Variants in PIP5K1B observed in about 807,000 individuals in gnomAD.
PIP5K1B encodes phosphatidylinositol 4-phosphate 5-kinase type-1 beta.
PIP5K1B carries 42 observed loss-of-function variants against 67.0 expected under a neutral mutation model. The observed-to-expected ratio is 0.63, with a 90% CI of 0.49 to 0.81. The LOEUF is 0.81. Among genes scored for constraint, PIP5K1B ranks in the 30% least tolerant of loss-of-function variants. PIP5K1B has a pLI of 0.00. For synonymous variants in PIP5K1B, 214 were observed against 231.4 expected (o/e 0.92, Z 0.68); for missense variants, 459 against 646.3 (o/e 0.71, Z 3.14).
At chr9:68,749,899 A>G (rs1488249976) in intron 2 of PIP5K1B, among the ~76,000 whole-genome samples, 3 of 152,252 alleles carry the variant, frequency 2.0e-5, no homozygotes, top group African/African-American at 7.2e-5. Context: ...ACACCAAGGT[A>G]GAGTACAAAT....
intron 1 of PIP5K1B, among the ~76,000 whole-genome samples, chr9:68,741,269 A>G (rs1165987978): frequency 6.6e-6 from 1 of 152,188 alleles, no homozygotes; most frequent in Non-Finnish European, 1.5e-5. Flanking sequence ...ATCCCATGTC[A>G]TCTGAGTAGA....
chr9:68,848,046 C>T (rs188386221), intron 4 of PIP5K1B, among the ~76,000 whole-genome samples: 32 of 152,054 alleles, frequency 2.1e-4, no homozygotes, highest in Non-Finnish European at 2.9e-5. Context: ...GCTTTGCCAC[C>T]TCCTCACTGT....
At chr9:68,871,903 G>A (rs1294691524) in intron 5 of PIP5K1B, among the ~76,000 whole-genome samples, 1 of 46,666 alleles carries the variant, frequency 2.1e-5, no homozygotes, top group Non-Finnish European at 5.1e-5. Context: ...GTCAGTTGTC[G>A]GGTGTTTTTT....
intron 1 of PIP5K1B, among the ~76,000 whole-genome samples, chr9:68,715,263 G>C (rs892684231): frequency 1.8e-4 from 27 of 152,184 alleles, no homozygotes; most frequent in African/African-American, 6.5e-4. Context: ...AGAAGCACAG[G>C]GATCTGCCCC....
chr9:68,849,467 G>A (rs536047746), intron 4 of PIP5K1B, among the ~76,000 whole-genome samples: 16 of 152,194 alleles, frequency 1.1e-4, no homozygotes, highest in South Asian at 4.2e-4. Flanking sequence ...TGCAACCTCC[G>A]CCTCCCAGGC....
At chr9:68,765,402 A>T (rs2132403618) in intron 2 of PIP5K1B, among the ~76,000 whole-genome samples, 1 of 152,198 alleles carries the variant, frequency 6.6e-6, no homozygotes, top group East Asian at 1.9e-4. Flanking sequence ...GTGTTCTAGC[A>T]AATATTTCAT....
At chr9:68,899,354 G>A (rs1026582079) in intron 8 of PIP5K1B, among the ~76,000 whole-genome samples, 1 of 152,188 alleles carries the variant, frequency 6.6e-6, no homozygotes, top group Non-Finnish European at 1.5e-5. Flanking sequence ...AGCCTGAGGA[G>A]CAAGGCTTAA....
intron 2 of PIP5K1B, among the ~76,000 whole-genome samples, chr9:68,808,215 A>T (rs917941504): frequency 2.0e-5 from 3 of 152,146 alleles, no homozygotes; most frequent in African/African-American, 7.2e-5. Context: ...AAACAAAACA[A>T]AAGGGGAAGA....
intron 4 of PIP5K1B, among the ~76,000 whole-genome samples, chr9:68,847,419 G>GTGTGTGTGTGTT (rs1340470072): frequency 1.5e-5 from 2 of 136,706 alleles, no homozygotes; most frequent in East Asian, 4.3e-4. Context: ...GGTTTTGTGT[G>GTGTGTGTGTGTT]TGTGTGTGTG....
chr9:68,850,233 C>T (rs560984160), intron 4 of PIP5K1B, among the ~76,000 whole-genome samples: 10 of 152,190 alleles, frequency 6.6e-5, no homozygotes, highest in East Asian at 1.9e-4. Flanking sequence ...ACCTAGGAGT[C>T]GGACACATCA....
chr9:68,705,834 A>C (rs1827097572), intron 1 of PIP5K1B, 72 bp downstream of exon 1: 2 of 151,452 alleles, frequency 1.3e-5, no homozygotes, highest in African/African-American at 4.9e-5. Context: ...GGGGCTCTGC[A>C]TCTCTGCTGA....
chr9:68,954,169 G>C (rs1344970109), intron 14 of PIP5K1B, among the ~76,000 whole-genome samples: 4 of 152,048 alleles, frequency 2.6e-5, no homozygotes, highest in Admixed American at 2.6e-4. Flanking sequence ...TTTTCCCAGT[G>C]GTAGCTCAGG....
Position 68,919,522 on chromosome 9 carries a change from C to T in PIP5K1B, c.1027C>T (p.Leu343Phe), listed in dbSNP as rs778885138. ...TAAAAGCCATAGGGGAGAAAAACTA[C>T]TTTTATTTATGGGCATTATTGACAT... Reference protein sequence around the residue: ...PAKSHRGEKLLLFMGIIDILQ... With the variant: ...PAKSHRGEKLFLFMGIIDILQ... Residue 343 changes from leucine to phenylalanine, a missense_variant, in exon 10 of 16, where the codon CTT (leucine) becomes TTT (phenylalanine). Leu to Phe is a conservative substitution (Grantham distance 22). This residue lies in a region of PIP5K1B where 290 missense variants were observed against 474.4 expected (regional missense o/e 0.61). Transcript: ENST00000265382. The T allele has an allele frequency of 6.2e-7, 1 of 1,601,228 alleles. No individual in the cohort carries two copies. The highest frequency in any genetic ancestry group is 8.5e-7 in the Non-Finnish European group (1 of 1,171,354).
In PIP5K1B at chr9:68,999,716, G is replaced by A. The variant is rs1564307515; in HGVS notation, c.1620+8459G>A. 2.0e-5 allele frequency among the ~76,000 whole-genome samples: 3 copies of A among 152,150 alleles called. No homozygotes were observed. In the South Asian group the frequency reaches 6.2e-4, roughly 31 times the overall value. Reference sequence around the variant, plus strand: ...GCAAGATAGCTGTCCCATTACACGTGCCTCTAATGTAGAAGCAAAGCCTAG... The same window carrying A: ...GCAAGATAGCTGTCCCATTACACGTACCTCTAATGTAGAAGCAAAGCCTAG... On this transcript the variant is annotated intron_variant, in intron 15 of 15. Coordinates refer to ENST00000265382, the MANE Select transcript of PIP5K1B (RefSeq NM_003558.4).
chr9:68,827,546 G>A (rs1587513869), intron 4 of PIP5K1B, among the ~76,000 whole-genome samples: 2 of 152,150 alleles, frequency 1.3e-5, no homozygotes, highest in Non-Finnish European at 2.9e-5. Flanking sequence ...TTGTTGTAGG[G>A]GCTAGTGACA....
chr9:68,886,808 C>A (rs1824500262), intron 6 of PIP5K1B, among the ~76,000 whole-genome samples: 1 of 152,212 alleles, frequency 6.6e-6, no homozygotes, highest in Non-Finnish European at 1.5e-5. Context: ...TCCAGACCCT[C>A]CAATGGCTTT....
chr9:68,824,772 G>A lies in PIP5K1B; in HGVS notation c.69+2089G>A, dbSNP rs541777652. On this transcript the variant is annotated intron_variant, in intron 4 of 15. Transcript: ENST00000265382. The stretch of plus-strand genomic sequence containing the variant: ...AGGTAAAAGCTCAGCTGAATTATTC[G>A]GTTTAGTTCTCTGATCTTCAAACTA... Among the ~76,000 whole-genome samples, 6 of 152,228 alleles carry A rather than the reference G, an allele frequency of 3.9e-5. No homozygotes were observed. The South Asian group carries it at 1.0e-3, about 26-fold the overall frequency.
intron 2 of PIP5K1B, among the ~76,000 whole-genome samples, chr9:68,774,978 T>G (rs1030272365): frequency 7.2e-5 from 11 of 152,206 alleles, no homozygotes; most frequent in African/African-American, 2.7e-4. Context: ...ACAAAACCTC[T>G]CTAGTAAATT....
intron 11 of PIP5K1B, among the ~76,000 whole-genome samples, chr9:68,921,576 C>A (rs1202000263): frequency 6.6e-6 from 1 of 152,142 alleles, no homozygotes; most frequent in Non-Finnish European, 1.5e-5. Flanking sequence ...AAGGGCCCCC[C>A]ACCTTTCTCT....
Sources: allele counts gnomAD v4.1 joint callset (sites outside exome capture counted in the v4.1 genomes callset), GRCh38; gene constraint gnomAD v4.1.1; regional missense constraint gnomAD v4.1.1; transcripts MANE v1.5; gene names NCBI Gene and HGNC (gene_info 2026-07-23, HGNC 2026-07-21).